PPARGC1A: variants seen among roughly 807,000 people sequenced by gnomAD.
The protein encoded by PPARGC1A is PPARG coactivator 1 alpha, also known as peroxisome proliferator-activated receptor gamma coactivator 1-alpha.
In PPARGC1A, 25 loss-of-function variants were observed where a neutral mutation model predicts 88.7. That is an observed-to-expected ratio of 0.28 (90% CI 0.21 to 0.39). The LOEUF is 0.39. Ranked by LOEUF, PPARGC1A falls within the 10% of genes least tolerant of loss-of-function variation. The pLI, the probability that PPARGC1A is intolerant of heterozygous loss-of-function variation, is 1.00. For missense variants in PPARGC1A, 880 were observed against 968.7 expected (o/e 0.91, Z 1.22); for synonymous variants, 363 against 355.6 (o/e 1.02, Z -0.24).
chr4:24,263,650 TTCCTCC>T, the PPARGC1A span, among the ~76,000 whole-genome samples: 1 of 152,190 alleles, frequency 6.6e-6, no homozygotes, highest in Non-Finnish European at 1.5e-5. Context: ...ACCTCTCCTC[TTCCTCC>T]TCCTCAGTCC....
the PPARGC1A span, among the ~76,000 whole-genome samples, chr4:24,144,387 G>A: frequency 6.6e-6 from 1 of 152,132 alleles, no homozygotes; most frequent in Non-Finnish European, 1.5e-5. Flanking sequence ...ATAGGTCTGA[G>A]ATTAAAAATT....
intron 7 of PPARGC1A, among the ~76,000 whole-genome samples, chr4:23,821,419 G>T (rs1453024944): frequency 6.6e-6 from 1 of 151,846 alleles, no homozygotes; most frequent in East Asian, 1.9e-4. Context: ...CCTTGATTTG[G>T]TAAATTCCAT....
At chr4:24,115,226 G>A in the PPARGC1A span, among the ~76,000 whole-genome samples, 154 of 152,184 alleles carry the variant, frequency 1.0e-3, 2 homozygotes, top group African/African-American at 3.6e-3. Context: ...ACATTAAAAC[G>A]AAAAGCACAA....
the PPARGC1A span, among the ~76,000 whole-genome samples, chr4:24,354,702 T>C: frequency 2.0e-5 from 3 of 152,062 alleles, no homozygotes; most frequent in East Asian, 1.9e-4. Flanking sequence ...CTGGCTAACA[T>C]GGTAAAACCC....
At chr4:23,809,548 C>A (rs1299265573) in intron 10 of PPARGC1A, among the ~76,000 whole-genome samples, 1 of 152,046 alleles carries the variant, frequency 6.6e-6, no homozygotes, top group Non-Finnish European at 1.5e-5. Flanking sequence ...GTCCAGTAAT[C>A]ATACAATGCA....
the PPARGC1A span, among the ~76,000 whole-genome samples, chr4:23,934,076 TC>T: frequency 1.3e-5 from 2 of 152,174 alleles, no homozygotes; most frequent in Non-Finnish European, 2.9e-5. Flanking sequence ...TGGGGCAGTC[TC>T]AAAGTTTTAA....
At chr4:24,343,107 C>T in the PPARGC1A span, among the ~76,000 whole-genome samples, 1 of 152,200 alleles carries the variant, frequency 6.6e-6, no homozygotes, top group Non-Finnish European at 1.5e-5. Flanking sequence ...GCAAAAACCA[C>T]CACTGAAACA....
the PPARGC1A span, among the ~76,000 whole-genome samples, chr4:23,910,575 G>C: frequency 6.8e-6 from 1 of 148,128 alleles, no homozygotes; most frequent in Non-Finnish European, 1.5e-5. Context: ...CAAGTAGCTG[G>C]GATAAGAGGT....
chr4:24,261,126 A>C, the PPARGC1A span, among the ~76,000 whole-genome samples: 2 of 151,476 alleles, frequency 1.3e-5, no homozygotes, highest in Non-Finnish European at 1.5e-5. Flanking sequence ...ACCCCTTTCC[A>C]CCCTACTGGG....
chr4:24,280,893 T>C, the PPARGC1A span, among the ~76,000 whole-genome samples: 2 of 152,220 alleles, frequency 1.3e-5, no homozygotes, highest in Non-Finnish European at 2.9e-5. Flanking sequence ...TCACTCAAGA[T>C]ATTCTGGCAT....
chr4:24,104,820 A>C, the PPARGC1A span, among the ~76,000 whole-genome samples: 3 of 152,220 alleles, frequency 2.0e-5, no homozygotes, highest in South Asian at 2.1e-4. Flanking sequence ...ACAGCTAAAG[A>C]AAGGAATCTG....
At chr4:23,873,218 A>AAAAG (rs1713927563) in intron 2 of PPARGC1A, among the ~76,000 whole-genome samples, 1 of 146,032 alleles carries the variant, frequency 6.8e-6, no homozygotes, top group Admixed American at 6.8e-5. Flanking sequence ...AATAAAAAAT[A>AAAAG]AAAAATAAAG....
chr4:24,074,593 A>T, the PPARGC1A span, among the ~76,000 whole-genome samples: 1 of 152,068 alleles, frequency 6.6e-6, no homozygotes, highest in Non-Finnish European at 1.5e-5. Flanking sequence ...TTTCCCTCAC[A>T]TGGTCCTTTT....
the PPARGC1A span, among the ~76,000 whole-genome samples, chr4:24,172,499 T>C: frequency 2.0e-5 from 3 of 152,178 alleles, no homozygotes; most frequent in Non-Finnish European, 4.4e-5. Flanking sequence ...AAATGAGAGC[T>C]GCCACTCCTC....
At chr4:24,168,547 C>T in the PPARGC1A span, among the ~76,000 whole-genome samples, 2,151 of 152,106 alleles carry the variant, frequency 0.014, 37 homozygotes, top group African/African-American at 0.048. Flanking sequence ...ATTCTTGGAC[C>T]GGGGCAGGAA....
the PPARGC1A span, among the ~76,000 whole-genome samples, chr4:24,246,056 A>G: frequency 6.6e-6 from 1 of 152,260 alleles, no homozygotes; most frequent in African/African-American, 2.4e-5. Flanking sequence ...ACGATTTTAA[A>G]TAATGCTTGT....
At chr4:24,361,776 C>G in the PPARGC1A span, among the ~76,000 whole-genome samples, 63 of 152,340 alleles carry the variant, frequency 4.1e-4, no homozygotes, top group African/African-American at 1.5e-3. Flanking sequence ...ACAATGTCCA[C>G]TTTCTGTTGT....
the PPARGC1A span, among the ~76,000 whole-genome samples, chr4:23,958,481 TG>T: frequency 1.3e-5 from 2 of 152,156 alleles, no homozygotes; most frequent in Non-Finnish European, 2.9e-5. Context: ...AATTTCTTTA[TG>T]TTTTCTAAAA....
At chr4:24,276,695 G>T in the PPARGC1A span, among the ~76,000 whole-genome samples, 1 of 152,118 alleles carries the variant, frequency 6.6e-6, no homozygotes, top group African/African-American at 2.4e-5. Flanking sequence ...GTCTCCAAAG[G>T]TAGGAAAATT....
Sources: allele counts gnomAD v4.1 joint callset (sites outside exome capture counted in the v4.1 genomes callset), GRCh38; gene constraint gnomAD v4.1.1; transcripts MANE v1.5; gene names NCBI Gene and HGNC (gene_info 2026-07-23, HGNC 2026-07-21).